The following FUT8 variants were observed in gnomAD, a reference collection of about 807,000 sequenced individuals.
FUT8 encodes alpha-(1,6)-fucosyltransferase.
Under a neutral mutation model 71.3 loss-of-function variants are expected in FUT8, and 29 were observed. That is an observed-to-expected ratio of 0.41 (90% CI 0.30 to 0.55). FUT8 has a LOEUF of 0.55. FUT8 is among the 20% of genes least tolerant of loss of function. The pLI is 0.34. For synonymous variants in FUT8, 254 were observed against 239.3 expected (o/e 1.06, Z -0.57); for missense variants, 544 against 702.1 (o/e 0.77, Z 2.55).
the FUT8 span, among the ~76,000 whole-genome samples, chr14:65,384,467 T>C: frequency 2.0e-5 from 3 of 152,196 alleles, no homozygotes; most frequent in Non-Finnish European, 4.4e-5. The surrounding 1 kb of genome is among the most constrained non-coding windows in gnomAD (Gnocchi z 4.2). Flanking sequence ...ACAGTTCAAA[T>C]GTCACCTTTT....
intron 9 of FUT8, among the ~76,000 whole-genome samples, chr14:65,728,021 T>A (rs1489955565): frequency 6.6e-6 from 1 of 152,156 alleles, no homozygotes; most frequent in Non-Finnish European, 1.5e-5. Flanking sequence ...AAGTTCCTCA[T>A]CTCCATCTGA....
chr14:65,416,667 G>T (rs182543821), intron 1 of FUT8, among the ~76,000 whole-genome samples: 6 of 151,732 alleles, frequency 4.0e-5, no homozygotes, highest in African/African-American at 1.4e-4. Context: ...ATATTTAAAA[G>T]TAAAAGATAT....
intron 3 of FUT8, among the ~76,000 whole-genome samples, chr14:65,609,306 A>G (rs901266063): frequency 2.0e-5 from 3 of 151,584 alleles, no homozygotes; most frequent in Non-Finnish European, 2.9e-5. Flanking sequence ...AAAAAAAAAA[A>G]AAAATTTTTC....
chr14:65,376,026 G>C, the FUT8 span, among the ~76,000 whole-genome samples: 2 of 151,402 alleles, frequency 1.3e-5, no homozygotes, highest in African/African-American at 4.8e-5. Flanking sequence ...GGGAGGTGGA[G>C]GTTGCAGCAA....
At chr14:65,375,522 A>C in the FUT8 span, among the ~76,000 whole-genome samples, 1 of 152,104 alleles carries the variant, frequency 6.6e-6, no homozygotes, top group Non-Finnish European at 1.5e-5. Context: ...TTGGGAGGCT[A>C]GGGTGGGAGG....
At chr14:65,740,711 C>T (rs1358133451) in intron 10 of FUT8, among the ~76,000 whole-genome samples, 1 of 151,870 alleles carries the variant, frequency 6.6e-6, no homozygotes, top group East Asian at 1.9e-4. Context: ...TCAGATCTCA[C>T]GAGAACTCAC....
At chr14:65,371,035 T>C in the FUT8 span, among the ~76,000 whole-genome samples, 3 of 152,234 alleles carry the variant, frequency 2.0e-5, no homozygotes. Context: ...TTTCTCTTAG[T>C]GCCGTCTCTG....
chr14:65,492,674 T>C (rs896047791), intron 2 of FUT8, among the ~76,000 whole-genome samples: 2 of 152,108 alleles, frequency 1.3e-5, no homozygotes, highest in Non-Finnish European at 2.9e-5. Flanking sequence ...AAGTACCTAA[T>C]ATGTCAGACG....
intron 5 of FUT8, among the ~76,000 whole-genome samples, chr14:65,624,604 AATGC>A (rs1226559427): frequency 2.0e-5 from 3 of 152,208 alleles, no homozygotes; most frequent in African/African-American, 7.2e-5. Context: ...AATGAAATGT[AATGC>A]TTTTTGTTTC....
the FUT8 span, among the ~76,000 whole-genome samples, chr14:65,386,775 G>A: frequency 4.5e-5 from 5 of 111,824 alleles, no homozygotes; most frequent in Admixed American, 1.8e-4. Flanking sequence ...CTTGTATTCC[G>A]TATTGTGAAT....
At chr14:65,386,526 AAAAGAAAG>A in the FUT8 span, among the ~76,000 whole-genome samples, 3 of 150,768 alleles carry the variant, frequency 2.0e-5, no homozygotes, top group East Asian at 5.9e-4. Flanking sequence ...AAAAAAAAAA[AAAAGAAAG>A]GGAAGTTCAA....
At chr14:65,475,546 C>G (rs1341960657) in intron 2 of FUT8, among the ~76,000 whole-genome samples, 1 of 151,990 alleles carries the variant, frequency 6.6e-6, no homozygotes, top group Non-Finnish European at 1.5e-5. Flanking sequence ...TGAGACCAGC[C>G]TGGGCAACAT....
the FUT8 span, among the ~76,000 whole-genome samples, chr14:65,358,606 C>T: frequency 7.2e-5 from 11 of 151,920 alleles, no homozygotes; most frequent in Non-Finnish European, 1.0e-4. Flanking sequence ...GGTGCATGCC[C>T]GGCTAATTTT....
chr14:65,505,737 A>G (rs954809132), intron 2 of FUT8, among the ~76,000 whole-genome samples: 6 of 152,122 alleles, frequency 3.9e-5, no homozygotes, highest in Non-Finnish European at 7.4e-5. Flanking sequence ...ACAATCATCC[A>G]TCTTCATTCT....
intron 6 of FUT8, among the ~76,000 whole-genome samples, chr14:65,653,396 T>TA (rs1891508572): frequency 6.6e-6 from 1 of 152,216 alleles, no homozygotes; most frequent in Admixed American, 6.5e-5. Context: ...TTAACTTTAG[T>TA]ATCTCTGATA....
the FUT8 span, among the ~76,000 whole-genome samples, chr14:65,402,525 G>A: frequency 6.6e-6 from 1 of 152,082 alleles, no homozygotes; most frequent in Admixed American, 6.6e-5. Flanking sequence ...AAAATTAGCT[G>A]GGCGTGGTGG....
chr14:65,587,215 AT>A (rs2140129913), intron 3 of FUT8, among the ~76,000 whole-genome samples: 1 of 152,034 alleles, frequency 6.6e-6, no homozygotes, highest in African/African-American at 2.4e-5. Context: ...AAAAAAACTA[AT>A]TTTTACAAAA....
chr14:65,512,525 AT>A (rs1882414924), intron 2 of FUT8, among the ~76,000 whole-genome samples: 1 of 152,118 alleles, frequency 6.6e-6, no homozygotes, highest in Non-Finnish European at 1.5e-5. Context: ...TAAAACCATC[AT>A]TATGTGGTGC....
intron 2 of FUT8, among the ~76,000 whole-genome samples, chr14:65,521,890 A>G (rs573707272): frequency 3.3e-5 from 5 of 149,988 alleles, no homozygotes; most frequent in Admixed American, 3.3e-4. Context: ...TTTTAAATTC[A>G]TACTACCAAA....
Sources: allele counts gnomAD v4.1 joint callset (sites outside exome capture counted in the v4.1 genomes callset), GRCh38; gene constraint gnomAD v4.1.1; non-coding constraint Gnocchi (gnomAD v3.1); transcripts MANE v1.5; gene names NCBI Gene and HGNC (gene_info 2026-07-23, HGNC 2026-07-21).